NKAPD1: variants seen among roughly 807,000 people sequenced by gnomAD.
NKAPD1 encodes uncharacterized protein NKAPD1.
A neutral mutation model predicts 30.9 loss-of-function variants in NKAPD1; 12 were observed. The ratio of observed to expected loss-of-function variants is 0.39; its 90% confidence interval spans 0.25 to 0.63. NKAPD1 has a LOEUF of 0.63. Ranked by LOEUF, NKAPD1 falls within the 20% of genes least tolerant of loss-of-function variation. The pLI is 0.51. For synonymous variants in NKAPD1, 91 were observed against 113.6 expected (o/e 0.80, Z 1.26); for missense variants, 311 against 344.5 (o/e 0.90, Z 0.77).
intron 5 of NKAPD1, 86 bp from the exon 6 acceptor site, chr11:112,082,379 C>T: frequency 8.4e-7 from 1 of 1,194,198 alleles, no homozygotes; most frequent in Non-Finnish European, 1.1e-6. Context: ...ATGTTAACCT[C>T]AATTTTTTAA....
intron 5 of NKAPD1, 112 bp downstream of exon 5, chr11:112,082,147 A>G: frequency 1.1e-6 from 1 of 908,014 alleles, no homozygotes; most frequent in Non-Finnish European, 1.7e-6. Flanking sequence ...GTAGCTAGAG[A>G]AACAATAGGT....
intron 2 of NKAPD1, among the ~76,000 whole-genome samples, chr11:112,077,353 C>T (rs1260309295): frequency 1.3e-5 from 2 of 152,134 alleles, no homozygotes; most frequent in Non-Finnish European, 2.9e-5. Context: ...TCACATTCTG[C>T]TTTTCAAGAA....
rs1221470195 is a variant in NKAPD1, at chr11:112,083,430, TTTAGCC to T, written c.*461_*466del. On this transcript the variant is annotated 3_prime_UTR_variant, in exon 6 of 6. Coordinates refer to ENST00000393047, the MANE Select transcript of NKAPD1 (RefSeq NM_018195.4). ...TAGCAGGTGTCACAACTAACTTGTC[TTTAGCC>T]TTGGTGCTTTGATCCTTCTATATTT... is the stretch of plus-strand genomic sequence containing the variant. 1 of 153,578 alleles carries T rather than the reference TTTAGCC, an allele frequency of 6.5e-6. No homozygotes were observed. 9.5% of individuals were successfully genotyped at this position (153,578 alleles called of 1,614,324 possible).
At position 112,081,821 on chromosome 11, in the gene NKAPD1, A is replaced by G. The variant is rs1843324030; in HGVS notation, c.321-161A>G. ...GAAGTGATAGTGTACAGTACAGGAA[A>G]TGTAGCTGTTACTGAGCTATAATGG... On this transcript the variant is annotated intron_variant, in intron 4 of 5. Coordinates refer to ENST00000393047, the MANE Select transcript of NKAPD1 (RefSeq NM_018195.4). 12 of 634,430 alleles carry G rather than the reference A, an allele frequency of 1.9e-5. No homozygotes were observed. In the Admixed American group the frequency reaches 1.9e-4, roughly 10 times the overall value. 39.3% of individuals were successfully genotyped at this position (634,430 alleles called of 1,614,324 possible).
intron 4 of NKAPD1, 169 bp downstream of exon 4, chr11:112,080,727 G>A: frequency 1.5e-6 from 1 of 665,936 alleles, no homozygotes; most frequent in Non-Finnish European, 2.5e-6. Context: ...CTGATGAATG[G>A]GTAAACAAAA....
chr11:112,076,550 C>T (rs947875751), intron 2 of NKAPD1, among the ~76,000 whole-genome samples: 1 of 152,216 alleles, frequency 6.6e-6, no homozygotes. Flanking sequence ...TAGCCTACTA[C>T]TGACTGAAAG....
chr11:112,077,442 C>G (rs1041962914), intron 2 of NKAPD1, among the ~76,000 whole-genome samples: 1 of 151,978 alleles, frequency 6.6e-6, no homozygotes, highest in Admixed American at 6.5e-5. Flanking sequence ...AGAGATTTAG[C>G]TTAGGGAGTT....
intron 4 of NKAPD1, chr11:112,081,729 G>A (rs1318880739): frequency 1.2e-5 from 5 of 415,688 alleles, no homozygotes; most frequent in East Asian, 5.1e-5. Flanking sequence ...GTAAGAGTTC[G>A]TTAGTGTTTC....
intron 1 of NKAPD1, among the ~76,000 whole-genome samples, chr11:112,075,212 G>T (rs1865291639): frequency 6.6e-6 from 1 of 152,194 alleles, no homozygotes; most frequent in Non-Finnish European, 1.5e-5. Context: ...GGACTATGTG[G>T]CTTGGGACGT....
intron 3 of NKAPD1, 148 bp from the exon 4 acceptor site, chr11:112,080,261 G>A (rs2135249279): frequency 2.5e-6 from 2 of 785,192 alleles, no homozygotes; most frequent in East Asian, 5.4e-5. Context: ...AGCAGATAAT[G>A]TCTTTGCCTT....
At chr11:112,081,630 C>CAA (rs59827110) in intron 4 of NKAPD1, 12,535 of 159,276 alleles carry the variant, frequency 0.079, 887 homozygotes, top group African/African-American at 0.2. Flanking sequence ...GACTCCATCT[C>CAA]AAAAAAAAAA....
Position 112,082,563 on chromosome 11 carries a change from A to G in NKAPD1, c.473A>G (p.His158Arg). The G allele has an allele frequency of 6.2e-7, 1 of 1,613,120 alleles. No homozygotes were observed. Among genetic ancestry groups the G allele is most frequent in the Non-Finnish European group, 8.5e-7 (1 of 1,179,876 alleles). ...AAACACAAGAAGTCAAAGAAATCCC[A>G]CAAAAAAAAGCAGAAAAAAAGGTCA... ...SRKHKKSKKS[H>R]KKKQKKRSHK... Residue 158 changes from histidine to arginine, a missense_variant, in exon 6 of 6, where the codon CAC becomes CGC. His to Arg is a conservative substitution (Grantham distance 29, BLOSUM62 0). Transcript: ENST00000393047.
chr11:112,084,964 T>C lies in NKAPD1; in HGVS notation c.*1992T>C. 1 of 193,814 alleles carries C rather than the reference T, an allele frequency of 5.2e-6. No individual in the cohort carries two copies. The highest frequency in any genetic ancestry group is 1.1e-5 in the Non-Finnish European group (1 of 94,862). The allele number at this position is 193,814 out of a possible 1,614,324, so 12.0% of individuals were successfully genotyped here. On this transcript the variant is annotated 3_prime_UTR_variant, in exon 6 of 6. Transcript: ENST00000393047. ...TGGCTTAGGGTGGTTTTTCAAAACC[T>C]ACAATCCCCCATTTGCACTACTGGC...
rs1865529281 is a variant in NKAPD1, at chr11:112,084,330, GTTCTCT to G, written c.*1361_*1366del. On this transcript the variant is annotated 3_prime_UTR_variant, in exon 6 of 6. Transcript: ENST00000393047. ...ATTTTTAGTTCTAACTGCTAAATTT[GTTCTCT>G]TTACGGGACAGATTTCTAATAAAGT... The G allele has an allele frequency of 6.6e-6, 1 of 152,572 alleles. No individual in the cohort carries two copies. The highest frequency in any genetic ancestry group is 1.5e-5 in the Non-Finnish European group (1 of 68,030). 9.5% of individuals were successfully genotyped at this position (152,572 alleles called of 1,614,324 possible). A position where few individuals can be genotyped will look rare whatever the true frequency, so the allele number is the denominator to read the frequency against.
chr11:112,079,939 A>G (rs1865409832), intron 3 of NKAPD1, among the ~76,000 whole-genome samples: 2 of 151,934 alleles, frequency 1.3e-5, no homozygotes, highest in Non-Finnish European at 2.9e-5. Context: ...CAGCCTTCCA[A>G]GTAGCTGGGA....
chr11:112,082,625 G>C lies in NKAPD1; in HGVS notation c.535G>C (p.Asp179His). Residue 179 changes from aspartate to histidine, a missense_variant, in exon 6 of 6, where the codon GAT (aspartate) becomes CAT (histidine). Coordinates refer to ENST00000393047, the MANE Select transcript of NKAPD1 (RefSeq NM_018195.4). ...KQKKSKKEAT[D>H]ITADSSSEFS... ...GAAGAAAAGCAAAAAGGAAGCCACA[G>C]ATATAACAGCAGATTCCTCGAGTGA... 6.2e-7 allele frequency: 1 copy of C among 1,613,696 alleles called. No homozygotes were observed. Among genetic ancestry groups the C allele is most frequent in the Non-Finnish European group, 8.5e-7 (1 of 1,179,966 alleles).
At chr11:112,080,582 A>G in intron 4 of NKAPD1, 24 bp downstream of exon 4, 4 of 1,609,088 alleles carry the variant, frequency 2.5e-6, no homozygotes, top group Non-Finnish European at 3.4e-6. Flanking sequence ...TCCTGTGAGC[A>G]TTAATATTTG....
chr11:112,082,629 T>A lies in NKAPD1; in HGVS notation c.539T>A (p.Ile180Lys), dbSNP rs558064862. 1 of 1,613,534 alleles carries A rather than the reference T, an allele frequency of 6.2e-7. No individual in the cohort carries two copies. Among genetic ancestry groups the A allele is most frequent in the African/African-American group, 1.3e-5 (1 of 74,800 alleles). ...AAAAGCAAAAAGGAAGCCACAGATA[T>A]AACAGCAGATTCCTCGAGTGAGTTC... ...QKKSKKEATD[I>K]TADSSSEFSE... Residue 180 changes from isoleucine (I) to lysine (K), a missense_variant, in exon 6 of 6, where the codon ATA (isoleucine) becomes AAA (lysine). By Grantham distance (102) the Ile-to-Lys change is moderately radical. Transcript: ENST00000393047.
chr11:112,078,670 C>G (rs748050742), intron 3 of NKAPD1, among the ~76,000 whole-genome samples: 2 of 152,116 alleles, frequency 1.3e-5, no homozygotes, highest in Middle Eastern at 3.2e-3. Context: ...TTCATTCTTT[C>G]AGGCTTTTCT....
Sources: gnomAD v4.1 joint callset for allele counts (sites outside exome capture counted in the v4.1 genomes callset) on GRCh38, gnomAD v4.1.1 for gene constraint, MANE v1.5 for transcripts, NCBI Gene and HGNC (gene_info 2026-07-23, HGNC 2026-07-21) for gene names.